Variants in NIBAN2 observed in about 807,000 individuals in gnomAD.
NIBAN2 encodes the protein protein Niban 2.
Under a neutral mutation model 81.8 loss-of-function variants are expected in NIBAN2, and 36 were observed. The observed-to-expected ratio is 0.44, with a 90% CI of 0.34 to 0.58. The LOEUF (loss-of-function observed/expected upper bound fraction) is 0.58. Ranked by LOEUF, NIBAN2 falls within the 20% of genes least tolerant of loss-of-function variation. The pLI is 0.02. For synonymous variants in NIBAN2, 445 were observed against 441.6 expected, an observed-to-expected ratio of 1.01 and a Z score of -0.10; for missense variants, 897 against 1,014.1, an observed-to-expected ratio of 0.88 and a Z score of 1.57.
At chr9:127,509,793 T>TCCCTCCTCTCCGTCCCTCCTTCCCTCTC in intron 9 of NIBAN2, 1 of 81,266 alleles carries the variant, frequency 1.2e-5, no homozygotes, top group Non-Finnish European at 2.4e-5. Flanking sequence ...CTTCCCTCCT[T>TCCCTCCTCTCCGTCCCTCCTTCCCTCTC]CCCTCCTCTC....
At chr9:127,577,087 C>G (rs1838019269) in intron 1 of NIBAN2, among the ~76,000 whole-genome samples, 1 of 151,720 alleles carries the variant, frequency 6.6e-6, no homozygotes, top group Admixed American at 6.6e-5. Context: ...GTGGGCGGAT[C>G]ACCTGAGGTC....
At chr9:127,513,263 T>A (rs1034632985) in intron 8 of NIBAN2, among the ~76,000 whole-genome samples, 4 of 151,868 alleles carry the variant, frequency 2.6e-5, no homozygotes, top group Non-Finnish European at 5.9e-5. Context: ...CCCATGGAGA[T>A]AGAGTAGAAA....
chr9:127,526,398 C>CAAAAAAAAAAAAAA (rs71495649), intron 3 of NIBAN2, among the ~76,000 whole-genome samples: 2 of 92,590 alleles, frequency 2.2e-5, no homozygotes, highest in Non-Finnish European at 2.0e-5. Flanking sequence ...GACTTCATCT[C>CAAAAAAAAAAAAAA]AAAAAAAAAA....
chr9:127,531,824 G>A (rs1482843742), intron 1 of NIBAN2, 46 bp from the exon 2 acceptor site: 2 of 1,610,278 alleles, frequency 1.2e-6, no homozygotes, highest in Admixed American at 1.7e-5. Context: ...CAGGGATGCT[G>A]ATGCATCACG....
At chr9:127,516,137 G>GAAATA (rs1554765516) in intron 8 of NIBAN2, among the ~76,000 whole-genome samples, 2 of 151,608 alleles carry the variant, frequency 1.3e-5, no homozygotes, top group East Asian at 1.9e-4. Context: ...AAAATAAAAT[G>GAAATA]AAATAAAATA....
At chr9:127,526,873 T>A (rs1194140653) in intron 3 of NIBAN2, among the ~76,000 whole-genome samples, 3 of 151,464 alleles carry the variant, frequency 2.0e-5, no homozygotes, top group Non-Finnish European at 4.4e-5. Context: ...AGGAAGGAGG[T>A]GGCAGGAGGA....
At chr9:127,524,322 T>C (rs1222357196) in intron 4 of NIBAN2, among the ~76,000 whole-genome samples, 1 of 152,192 alleles carries the variant, frequency 6.6e-6, no homozygotes, top group Non-Finnish European at 1.5e-5. Flanking sequence ...CTCAAGGATA[T>C]GTAAGATCCA....
At chr9:127,512,907 T>C (rs1836762837) in intron 8 of NIBAN2, among the ~76,000 whole-genome samples, 1 of 152,212 alleles carries the variant, frequency 6.6e-6, no homozygotes, top group Non-Finnish European at 1.5e-5. Flanking sequence ...ATCGCAGCGA[T>C]ATCTGCACTC....
rs1366023746 is a variant in NIBAN2, at chr9:127,509,022, G to A, written c.1271C>T (p.Ser424Phe). The A allele has an allele frequency of 6.2e-7, 1 of 1,613,956 alleles. No individual in the cohort carries two copies. The highest frequency in any genetic ancestry group is 1.7e-5 in the Admixed American group (1 of 60,000). ...LDGLQQRFDV[S>F]STSVFKQRAQ... Reference sequence around the variant, plus strand: ...TCGCTGCTTGAACACGGACGTGCTGGACACATCAAATCGCTGCTGCAGCCC... The same window carrying A: ...TCGCTGCTTGAACACGGACGTGCTGAACACATCAAATCGCTGCTGCAGCCC... Residue 424 changes from serine to phenylalanine, a missense_variant, in exon 10 of 14, where the codon TCC (serine) becomes TTC (phenylalanine). By Grantham distance (155) the Ser-to-Phe change is radical. Transcript: ENST00000373312.
chr9:127,551,517 T>G (rs376271740), intron 1 of NIBAN2, among the ~76,000 whole-genome samples: 36 of 148,404 alleles, frequency 2.4e-4, no homozygotes, highest in Middle Eastern at 3.5e-3. Context: ...AGCGAGACTC[T>G]GTCTCAAAAA....
intron 1 of NIBAN2, among the ~76,000 whole-genome samples, chr9:127,575,350 C>T (rs1272793781): frequency 6.6e-6 from 1 of 150,936 alleles, no homozygotes; most frequent in Non-Finnish European, 1.5e-5. Flanking sequence ...GCCTCAGACT[C>T]TCAAGTAGCT....
In NIBAN2 at chr9:127,569,047, G is replaced by A; in HGVS notation, c.-173C>T. On this transcript the variant is annotated 5_prime_UTR_variant, in exon 1 of 14. Coordinates refer to ENST00000373312, the MANE Select transcript of NIBAN2 (RefSeq NM_022833.4). ...TCCGCTCCGGCTCCGCTCCCGGTCG[G>A]GCCCCGTCCCTCCAGCCGGCCGCCT... The A allele has an allele frequency of 1.8e-6, 2 of 1,084,004 alleles. No individual in the cohort carries two copies. Among genetic ancestry groups the A allele is most frequent in the Non-Finnish European group, 2.2e-6 (2 of 899,370 alleles). 67.1% of individuals were successfully genotyped at this position (1,084,004 alleles called of 1,614,324 possible).
intron 8 of NIBAN2, among the ~76,000 whole-genome samples, chr9:127,514,487 A>C (rs1195512186): frequency 6.6e-6 from 1 of 152,228 alleles, no homozygotes; most frequent in Non-Finnish European, 1.5e-5. Flanking sequence ...GAAAACTGCC[A>C]GCCCAGAGGT....
upstream of NIBAN2, chr9:127,569,157 C>T (rs1837913670): frequency 7.1e-6 from 6 of 845,370 alleles, no homozygotes; most frequent in South Asian, 2.7e-4. Context: ...ACCCCGCCCC[C>T]TCCCCGCCCG....
At chr9:127,512,273 C>G (rs935954346) in intron 8 of NIBAN2, among the ~76,000 whole-genome samples, 2 of 148,424 alleles carry the variant, frequency 1.3e-5, no homozygotes, top group Middle Eastern at 3.5e-3. Flanking sequence ...CGGACTGAAC[C>G]ATGTTCATTT....
chr9:127,572,214 A>G (rs1411922017), upstream of NIBAN2, among the ~76,000 whole-genome samples: 1 of 151,976 alleles, frequency 6.6e-6, no homozygotes, highest in African/African-American at 2.4e-5. Flanking sequence ...GGATCTCACC[A>G]TGCTGCCCAG....
chr9:127,567,229 C>A (rs953167764), intron 1 of NIBAN2, among the ~76,000 whole-genome samples: 1 of 152,120 alleles, frequency 6.6e-6, no homozygotes, highest in African/African-American at 2.4e-5. Context: ...ATGCAAGGCA[C>A]ACCCCACCCA....
chr9:127,507,015 A>G lies in NIBAN2; in HGVS notation c.2071T>C (p.Ser691Pro). Reference sequence around the variant, plus strand: ...TGGAGGGGTGAGGCAGGCGGCGAGGAGGCCTCGGGGGCGGCCTTAGGCTGG... The same window carrying G: ...TGGAGGGGTGAGGCAGGCGGCGAGGGGGCCTCGGGGGCGGCCTTAGGCTGG... ...SPQPKAAPEA[S>P]SPPASPLQHL... Residue 691 changes from serine to proline, a missense_variant, in exon 14 of 14, where the codon TCC becomes CCC. Physicochemically the swap from Ser to Pro is moderately conservative, Grantham distance 74. Around this residue, in one of 3 missense-constraint regions of NIBAN2, gnomAD observed 619 missense variants for 691.0 expected, o/e 0.90. Transcript: ENST00000373312. This position sits in a 1 kb window ranked among gnomAD's most constrained non-coding sequence, Gnocchi z 6.8. The G allele has an allele frequency of 6.3e-7, 1 of 1,592,934 alleles. No homozygotes were observed. Among genetic ancestry groups the G allele is most frequent in the South Asian group, 1.1e-5 (1 of 89,060 alleles).
upstream of NIBAN2, among the ~76,000 whole-genome samples, chr9:127,570,170 C>A (rs1837930424): frequency 6.6e-6 from 1 of 152,178 alleles, no homozygotes; most frequent in Non-Finnish European, 1.5e-5. Context: ...TATTGGGCAG[C>A]TCTTAGTGTG....
Sources: gnomAD v4.1 joint callset for allele counts (sites outside exome capture counted in the v4.1 genomes callset) on GRCh38, gnomAD v4.1.1 for gene constraint, gnomAD v4.1.1 regional missense constraint, Gnocchi (gnomAD v3.1) non-coding constraint, MANE v1.5 for transcripts, NCBI Gene and HGNC (gene_info 2026-07-23, HGNC 2026-07-21) for gene names.